The following MYO18B variants were observed in gnomAD, a reference collection of about 807,000 sequenced individuals.
The protein encoded by MYO18B is myosin XVIIIB.
MYO18B carries 204 observed loss-of-function variants against 273.0 expected under a neutral mutation model. The ratio of observed to expected loss-of-function variants is 0.75; its 90% CI spans 0.67 to 0.84. MYO18B has a LOEUF of 0.84. Among genes scored for constraint, MYO18B ranks in the 40% least tolerant of loss-of-function variants. The pLI, the probability that MYO18B is intolerant of heterozygous loss-of-function variation, is 0.00. For missense variants in MYO18B, 3,212 were observed against 3,287.6 expected, an observed-to-expected ratio of 0.98 and a Z score of 0.56; for synonymous variants, 1,330 against 1,305.7, an observed-to-expected ratio of 1.02 and a Z score of -0.40.
chr22:25,989,189 C>T (rs1055720874), intron 39 of MYO18B, among the ~76,000 whole-genome samples: 2 of 152,148 alleles, frequency 1.3e-5, no homozygotes, highest in Non-Finnish European at 2.9e-5. Context: ...CATGTCTCAG[C>T]ACATGTGACT....
intron 40 of MYO18B, among the ~76,000 whole-genome samples, chr22:25,999,862 G>T (rs776464296): frequency 1.3e-5 from 2 of 152,080 alleles, no homozygotes; most frequent in Non-Finnish European, 2.9e-5. Context: ...CACCATATTG[G>T]CTAGGCTGGT....
At chr22:25,903,954 C>A in intron 31 of MYO18B, 123 bp downstream of exon 31, 1 of 1,046,814 alleles carries the variant, frequency 9.6e-7, no homozygotes, top group Non-Finnish European at 1.4e-6. Flanking sequence ...TCCCTATTAT[C>A]CCAGGGAACC....
At chr22:25,981,026 A>G (rs913225562) in intron 39 of MYO18B, among the ~76,000 whole-genome samples, 1 of 152,110 alleles carries the variant, frequency 6.6e-6, no homozygotes, top group Non-Finnish European at 1.5e-5. Flanking sequence ...TTTATGTGAC[A>G]TTCTCCCTGT....
At chr22:25,992,609 G>C (rs1332317671) in intron 40 of MYO18B, 116 bp downstream of exon 40, 3 of 1,359,420 alleles carry the variant, frequency 2.2e-6, no homozygotes, top group Non-Finnish European at 3.0e-6. Flanking sequence ...AAGATGTTCG[G>C]GGGCTGGAGG....
intron 16 of MYO18B, among the ~76,000 whole-genome samples, chr22:25,833,448 G>C (rs2089786268): frequency 6.6e-6 from 1 of 152,096 alleles, no homozygotes; most frequent in Admixed American, 6.5e-5. Flanking sequence ...GAACTCATCT[G>C]GGGGCAGACA....
At chr22:26,013,906 C>G (rs1935104965) in intron 42 of MYO18B, among the ~76,000 whole-genome samples, 2 of 152,272 alleles carry the variant, frequency 1.3e-5, no homozygotes, top group Admixed American at 1.3e-4. Flanking sequence ...ATTCTAAATG[C>G]ATGCCCTTTA....
intron 2 of MYO18B, 184 bp from the exon 3 acceptor site, chr22:25,763,047 G>A (rs559107477): frequency 3.9e-6 from 3 of 769,166 alleles, no homozygotes; most frequent in African/African-American, 3.4e-5. Flanking sequence ...ATTTTCATGC[G>A]CTGTCTCAGG....
chr22:26,063,467 G>T, the MYO18B span, among the ~76,000 whole-genome samples: 4 of 152,252 alleles, frequency 2.6e-5, no homozygotes, highest in East Asian at 7.7e-4. Flanking sequence ...GATCATCCAG[G>T]TGGCCAAGAA....
the MYO18B span, among the ~76,000 whole-genome samples, chr22:26,039,910 G>A: frequency 6.6e-6 from 1 of 151,940 alleles, no homozygotes; most frequent in Non-Finnish European, 1.5e-5. Context: ...TTGCAGCCTC[G>A]ACCTCCCGGG....
At chr22:25,744,264 C>T (rs2146514183) in intron 1 of MYO18B, among the ~76,000 whole-genome samples, 1 of 152,188 alleles carries the variant, frequency 6.6e-6, no homozygotes, top group South Asian at 2.1e-4. Flanking sequence ...ATGGAGGGCC[C>T]CCAAACTGAG....
intron 34 of MYO18B, among the ~76,000 whole-genome samples, chr22:25,937,995 C>T (rs1355182349): frequency 6.6e-6 from 1 of 152,198 alleles, no homozygotes; most frequent in Non-Finnish European, 1.5e-5. Flanking sequence ...AAGGTTGGTT[C>T]TTTCAAGTAC....
chr22:25,761,160 G>T, intron 2 of MYO18B, 29 bp downstream of exon 2: 1 of 1,611,794 alleles, frequency 6.2e-7, no homozygotes. Context: ...TGGGGCTGCA[G>T]CCATCTGCAG....
chr22:25,746,261 T>C (rs2085775666), intron 1 of MYO18B, among the ~76,000 whole-genome samples: 1 of 152,212 alleles, frequency 6.6e-6, no homozygotes, highest in Admixed American at 6.5e-5. Flanking sequence ...CTTGCTTTTC[T>C]GCTTGTTTTT....
At chr22:25,833,412 G>T (rs2089784774) in intron 16 of MYO18B, among the ~76,000 whole-genome samples, 1 of 151,996 alleles carries the variant, frequency 6.6e-6, no homozygotes, top group Admixed American at 6.6e-5. Flanking sequence ...CTGGAGAACA[G>T]GGGACCATGT....
At chr22:26,046,301 A>G in the MYO18B span, among the ~76,000 whole-genome samples, 1 of 152,208 alleles carries the variant, frequency 6.6e-6, no homozygotes. Flanking sequence ...GTCTGTGCTC[A>G]TTGAATCTGG....
intron 40 of MYO18B, among the ~76,000 whole-genome samples, chr22:25,999,980 A>C (rs1933794701): frequency 6.6e-6 from 1 of 152,130 alleles, no homozygotes; most frequent in Non-Finnish European, 1.5e-5. Context: ...AGCCACTTGC[A>C]CCAAGGGGAG....
intron 6 of MYO18B, 88 bp downstream of exon 6, chr22:25,771,072 A>G (rs1305358483): frequency 9.2e-5 from 88 of 955,784 alleles, no homozygotes; most frequent in Non-Finnish European, 1.2e-4. Flanking sequence ...GTCCTGCAAG[A>G]GATTTCCTTG....
intron 26 of MYO18B, 142 bp downstream of exon 26, chr22:25,891,017 G>C (rs2091647119): frequency 7.9e-7 from 1 of 1,263,676 alleles, no homozygotes; most frequent in African/African-American, 1.5e-5. Flanking sequence ...GGTCCTGGGG[G>C]ACACTTAGGT....
chr22:25,773,266 G>A (rs1601649606), intron 7 of MYO18B, among the ~76,000 whole-genome samples: 1 of 152,096 alleles, frequency 6.6e-6, no homozygotes, highest in Admixed American at 6.6e-5. Context: ...GGTGCCAGGC[G>A]AGCAACCCTC....
Sources: gnomAD v4.1 joint callset for allele counts (sites outside exome capture counted in the v4.1 genomes callset) on GRCh38, gnomAD v4.1.1 for gene constraint, MANE v1.5 for transcripts, NCBI Gene and HGNC (gene_info 2026-07-23, HGNC 2026-07-21) for gene names.